The following SH3RF3 variants were observed in gnomAD, a reference collection of about 807,000 sequenced individuals.
SH3RF3 encodes the protein SH3 domain containing ring finger 3, also known as E3 ubiquitin-protein ligase SH3RF3.
Under a neutral mutation model 66.3 loss-of-function variants are expected in SH3RF3, and 29 were observed. The ratio of observed to expected loss-of-function variants is 0.44; its 90% CI spans 0.33 to 0.60. SH3RF3 has a LOEUF of 0.60. Among genes scored for constraint, SH3RF3 ranks in the 20% least tolerant of loss-of-function variants. SH3RF3 has a pLI of 0.04. For synonymous variants in SH3RF3, 583 were observed against 532.0 expected, an observed-to-expected ratio of 1.10 and a Z score of -1.32; for missense variants, 1,194 against 1,190.9, an observed-to-expected ratio of 1.00 and a Z score of -0.04.
At chr2:109,324,057 A>G (rs969285997) in intron 1 of SH3RF3, among the ~76,000 whole-genome samples, 16 of 152,244 alleles carry the variant, frequency 1.1e-4, no homozygotes, top group African/African-American at 3.6e-4. Context: ...ATGGAAGCAG[A>G]TAATATGTGG....
chr2:109,233,704 T>C (rs1006473120), intron 1 of SH3RF3, among the ~76,000 whole-genome samples: 3 of 152,236 alleles, frequency 2.0e-5, no homozygotes, highest in African/African-American at 7.2e-5. Flanking sequence ...TCCTTTTGGC[T>C]CGGAATATTC....
At chr2:109,397,209 C>T (rs1199039078) in intron 3 of SH3RF3, among the ~76,000 whole-genome samples, 7 of 152,164 alleles carry the variant, frequency 4.6e-5, no homozygotes, top group African/African-American at 1.7e-4. Flanking sequence ...GGAGAAAACT[C>T]AGAGACAGCT....
intron 5 of SH3RF3, among the ~76,000 whole-genome samples, chr2:109,422,296 G>A (rs1676903242): frequency 6.6e-6 from 1 of 152,208 alleles, no homozygotes; most frequent in African/African-American, 2.4e-5. Context: ...AGTCAGCCAT[G>A]GAATGACTTC....
At chr2:109,441,266 G>A (rs1331271288) in intron 7 of SH3RF3, among the ~76,000 whole-genome samples, 8 of 151,954 alleles carry the variant, frequency 5.3e-5, no homozygotes, top group Admixed American at 2.0e-4. Flanking sequence ...AATCAAAACT[G>A]ACCCCAAATT....
intron 1 of SH3RF3, among the ~76,000 whole-genome samples, chr2:109,346,931 G>C (rs936498069): frequency 1.3e-5 from 2 of 152,168 alleles, no homozygotes; most frequent in African/African-American, 4.8e-5. Context: ...ATGGTGGGGG[G>C]GTCTGTGATG....
chr2:109,227,750 A>G (rs916196591), intron 1 of SH3RF3, among the ~76,000 whole-genome samples: 3 of 152,192 alleles, frequency 2.0e-5, no homozygotes, highest in African/African-American at 7.2e-5. Flanking sequence ...TTTCGGGTCC[A>G]ACGCAAGTTC....
intron 8 of SH3RF3, among the ~76,000 whole-genome samples, chr2:109,469,296 T>C (rs1257128253): frequency 3.9e-5 from 6 of 152,248 alleles, no homozygotes; most frequent in Non-Finnish European, 8.8e-5. Flanking sequence ...ACCACCTCAC[T>C]GTGTCCTCCA....
rs58597925 is a variant in SH3RF3 at position 109,419,482 on chromosome 2, T to C, written c.1300-57T>C. The C allele has an allele frequency of 2.3e-4, 353 of 1,522,336 alleles. 3 individuals are homozygous for C. The African/African-American group carries it at 4.4e-3, about 19-fold the overall frequency. 94.3% of individuals were successfully genotyped at this position (1,522,336 alleles called of 1,614,324 possible). A position where few individuals can be genotyped will look rare whatever the true frequency, so the allele number is the denominator to read the frequency against. ...GATGCAGCCTCATTTTGCTTTTCTC[T>C]TTCCCTTGGATGGAGTCTCTGTCTC... On this transcript the variant is annotated intron_variant, in intron 4 of 9. Coordinates refer to ENST00000309415, the MANE Select transcript of SH3RF3 (RefSeq NM_001099289.3).
chr2:109,283,142 A>G (rs1166978148), intron 1 of SH3RF3, among the ~76,000 whole-genome samples: 1 of 152,198 alleles, frequency 6.6e-6, no homozygotes, highest in Non-Finnish European at 1.5e-5. Context: ...AAAAATGCCC[A>G]GGGTACAGCC....
chr2:109,477,087 G>T (rs189887352), intron 8 of SH3RF3, among the ~76,000 whole-genome samples: 1 of 152,214 alleles, frequency 6.6e-6, no homozygotes, highest in East Asian at 1.9e-4. Context: ...ACCCCAGTAG[G>T]TCTCAGCCTC....
intron 1 of SH3RF3, among the ~76,000 whole-genome samples, chr2:109,340,521 T>C (rs908813292): frequency 8.5e-5 from 13 of 152,204 alleles, no homozygotes; most frequent in African/African-American, 2.7e-4. Context: ...GGGGCGGTCC[T>C]CAGTTCTCCC....
intron 1 of SH3RF3, among the ~76,000 whole-genome samples, chr2:109,209,109 A>G (rs1002345070): frequency 1.3e-5 from 2 of 152,208 alleles, no homozygotes; most frequent in Non-Finnish European, 2.9e-5. Context: ...ATGTTGCCCA[A>G]CTTTTTCTAC....
At chr2:109,411,417 C>T (rs73955579) in intron 4 of SH3RF3, among the ~76,000 whole-genome samples, 20,990 of 152,170 alleles carry the variant, frequency 0.14, 1,493 homozygotes, top group Admixed American at 0.19. Flanking sequence ...ACATTCTGTA[C>T]AGCTGGGCCT....
intron 1 of SH3RF3, among the ~76,000 whole-genome samples, chr2:109,197,341 G>T (rs534387790): frequency 6.6e-6 from 1 of 152,292 alleles, no homozygotes; most frequent in South Asian, 2.1e-4. Flanking sequence ...GGTTAAGAAG[G>T]GAAGGGAAGG....
At chr2:109,199,329 A>AATAAAATAAATAAAATAAAT in intron 1 of SH3RF3, among the ~76,000 whole-genome samples, 4 of 1,076 alleles carry the variant, frequency 3.7e-3, no homozygotes, top group African/African-American at 0.012. Context: ...CTCAAAAAGT[A>AATAAAATAAATAAAATAAAT]AAATGGAATG....
chr2:109,445,490 T>A (rs981391338), intron 7 of SH3RF3, among the ~76,000 whole-genome samples: 4 of 152,162 alleles, frequency 2.6e-5, no homozygotes, highest in Non-Finnish European at 5.9e-5. Context: ...AAAGAGCCAG[T>A]GTACACACTA....
intron 1 of SH3RF3, among the ~76,000 whole-genome samples, chr2:109,301,425 G>A (rs1403307100): frequency 6.6e-6 from 1 of 152,098 alleles, no homozygotes; most frequent in Non-Finnish European, 1.5e-5. Context: ...AGTCTCCCCT[G>A]CATTCCTCTC....
At chr2:109,383,905 G>A (rs977521009) in intron 3 of SH3RF3, among the ~76,000 whole-genome samples, 4 of 152,064 alleles carry the variant, frequency 2.6e-5, no homozygotes, top group Admixed American at 6.5e-5. Context: ...CTACCACCCC[G>A]CTGAGTCTCC....
chr2:109,407,932 G>A (rs768041421), intron 4 of SH3RF3, among the ~76,000 whole-genome samples: 3 of 152,182 alleles, frequency 2.0e-5, no homozygotes, highest in Non-Finnish European at 4.4e-5. Flanking sequence ...ACAGTGCAGG[G>A]TGCTGGCAGT....
Sources: allele counts gnomAD v4.1 joint callset (sites outside exome capture counted in the v4.1 genomes callset), GRCh38; gene constraint gnomAD v4.1.1; transcripts MANE v1.5; gene names NCBI Gene and HGNC (gene_info 2026-07-23, HGNC 2026-07-21).